CCDC171: variants seen among roughly 807,000 people sequenced by gnomAD.
CCDC171 encodes the protein coiled-coil domain containing 171.
In CCDC171, 177 loss-of-function variants were observed where a neutral mutation model predicts 168.2. That is an observed-to-expected ratio of 1.05 (90% CI 0.93 to 1.19). CCDC171 has a LOEUF of 1.19. Ranked by LOEUF, CCDC171 falls within the 50% of genes most tolerant of loss-of-function variation. The probability of loss-of-function intolerance (pLI) is 0.00; values close to 1 mark genes in which losing one functional copy is unlikely to be tolerated. For synonymous variants in CCDC171, 687 were observed against 540.8 expected, an observed-to-expected ratio of 1.27 and a Z score of -3.75; for missense variants, 1,991 against 1,539.0, an observed-to-expected ratio of 1.29 and a Z score of -4.91.
the CCDC171 span, among the ~76,000 whole-genome samples, chr9:16,078,648 AGATT>A: frequency 2.0e-4 from 30 of 152,330 alleles, no homozygotes; most frequent in African/African-American, 6.5e-4. Flanking sequence ...TGTGACTGAT[AGATT>A]ATCAGGAAAC....
At chr9:16,026,959 C>G (rs1833286461) in intron 6 of CCDC171, among the ~76,000 whole-genome samples, 1 of 152,158 alleles carries the variant, frequency 6.6e-6, no homozygotes, top group Non-Finnish European at 1.5e-5. Context: ...ATTGCTCATG[C>G]AGCATGGTCA....
chr9:15,570,385 G>C (rs2040129765), intron 2 of CCDC171, among the ~76,000 whole-genome samples: 1 of 148,572 alleles, frequency 6.7e-6, no homozygotes, highest in African/African-American at 2.5e-5. Flanking sequence ...GACAATGTTA[G>C]TTTTTTTTTT....
At chr9:16,018,171 T>C (rs1189735130) in intron 3 of CCDC171, among the ~76,000 whole-genome samples, 1 of 152,216 alleles carries the variant, frequency 6.6e-6, no homozygotes, top group African/African-American at 2.4e-5. Flanking sequence ...GTGTTTGTGA[T>C]GCTTGTTAGC....
chr9:15,706,194 T>C (rs1157316887), intron 11 of CCDC171, among the ~76,000 whole-genome samples: 4 of 152,184 alleles, frequency 2.6e-5, no homozygotes, highest in Admixed American at 6.5e-5. Context: ...GGGAAATCTT[T>C]TTCTGCTTTG....
At chr9:15,625,855 A>T (rs572728418) in intron 7 of CCDC171, among the ~76,000 whole-genome samples, 1 of 152,306 alleles carries the variant, frequency 6.6e-6, no homozygotes, top group African/African-American at 2.4e-5. Flanking sequence ...TTCTGTGAAG[A>T]AAGTCATTGG....
intron 16 of CCDC171, 71 bp from the exon 17 acceptor site, chr9:15,744,202 T>C (rs976475344): frequency 9.2e-6 from 12 of 1,302,028 alleles, no homozygotes; most frequent in Admixed American, 2.8e-5. Context: ...TTTGTTTTCT[T>C]TGAGTAAAGG....
the CCDC171 span, among the ~76,000 whole-genome samples, chr9:16,095,869 C>CATATATATATATAT: frequency 0.015 from 1,846 of 123,458 alleles, 23 homozygotes; most frequent in Non-Finnish European, 0.021. Context: ...CACATAGGCA[C>CATATATATATATAT]ATATATATAT....
chr9:15,988,657 C>G (rs1832081229), intron 3 of CCDC171, among the ~76,000 whole-genome samples: 1 of 152,226 alleles, frequency 6.6e-6, no homozygotes. Context: ...AGCACAAGGG[C>G]TCAGGGAATT....
chr9:15,930,520 G>T (rs1371093825), intron 25 of CCDC171, among the ~76,000 whole-genome samples: 1 of 151,518 alleles, frequency 6.6e-6, no homozygotes, highest in Non-Finnish European at 1.5e-5. Flanking sequence ...TTTATGTAGA[G>T]GTGGACATAC....
chr9:15,883,617 C>G (rs1457049979), intron 24 of CCDC171, among the ~76,000 whole-genome samples: 2 of 152,130 alleles, frequency 1.3e-5, no homozygotes, highest in Non-Finnish European at 2.9e-5. Context: ...TTAAAAAGGA[C>G]AAGATGACAT....
chr9:15,825,645 A>T (rs1439709115), intron 21 of CCDC171, among the ~76,000 whole-genome samples: 2 of 152,098 alleles, frequency 1.3e-5, no homozygotes, highest in African/African-American at 4.8e-5. Flanking sequence ...CCTATTTCCA[A>T]TACAGGATTT....
intron 16 of CCDC171, among the ~76,000 whole-genome samples, chr9:15,733,062 C>A (rs1047885784): frequency 2.0e-5 from 3 of 152,098 alleles, no homozygotes; most frequent in Non-Finnish European, 4.4e-5. Context: ...TCCCTACTGC[C>A]TAATAAATTA....
intron 11 of CCDC171, among the ~76,000 whole-genome samples, chr9:15,711,834 T>C (rs1481670537): frequency 6.6e-6 from 1 of 152,242 alleles, no homozygotes; most frequent in Non-Finnish European, 1.5e-5. Context: ...TCCTTCTTTT[T>C]CTATCTGGTC....
intron 24 of CCDC171, among the ~76,000 whole-genome samples, chr9:15,905,954 C>A (rs2131723395): frequency 6.6e-6 from 1 of 152,172 alleles, no homozygotes; most frequent in African/African-American, 2.4e-5. Context: ...ACACATACAC[C>A]CTCCCAAGAC....
intron 1 of CCDC171, among the ~76,000 whole-genome samples, chr9:16,058,172 ACTCT>A (rs1452156758): frequency 6.6e-6 from 1 of 151,512 alleles, no homozygotes; most frequent in Non-Finnish European, 1.5e-5. Context: ...GATCTCTGGA[ACTCT>A]CTCCCTCCCC....
chr9:15,649,636 A>C, intron 7 of CCDC171, among the ~76,000 whole-genome samples: 1 of 152,240 alleles, frequency 6.6e-6, no homozygotes, highest in East Asian at 1.9e-4. Flanking sequence ...CAGCCAACAG[A>C]CACATGAAAA....
chr9:15,835,743 A>G (rs576749332), intron 21 of CCDC171, among the ~76,000 whole-genome samples: 33 of 152,254 alleles, frequency 2.2e-4, no homozygotes, highest in African/African-American at 7.9e-4. Context: ...TGCATTTTTA[A>G]TTACATAAAG....
chr9:15,635,286 T>A (rs780279709), intron 7 of CCDC171, among the ~76,000 whole-genome samples: 2 of 152,204 alleles, frequency 1.3e-5, no homozygotes, highest in Non-Finnish European at 2.9e-5. Context: ...CCCCTTTTTA[T>A]CATTTTATGT....
rs185075989 is a variant in CCDC171, at chr9:15,555,861, G to T, written c.-112+2559G>T. Among the ~76,000 whole-genome samples, 188 of 152,140 alleles carry T rather than the reference G, an allele frequency of 1.2e-3. 1 individual carries two copies. The highest frequency in any genetic ancestry group is 0.01 in the Middle Eastern group (3 of 294). On this transcript the variant is annotated intron_variant, in intron 1 of 25. Transcript: ENST00000380701. ...CCCCCACTCTCTGCCAGGCCCCGGT[G>T]TGTGATGTTCCCCACCCTGTGTCCA...
Sources: allele counts gnomAD v4.1 joint callset (sites outside exome capture counted in the v4.1 genomes callset), GRCh38; gene constraint gnomAD v4.1.1; transcripts MANE v1.5; gene names NCBI Gene and HGNC (gene_info 2026-07-23, HGNC 2026-07-21).